CCDC88A: variants seen among roughly 807,000 people sequenced by gnomAD.
CCDC88A encodes girdin.
A neutral mutation model predicts 234.3 loss-of-function variants in CCDC88A; 54 were observed. That is an observed-to-expected ratio of 0.23 (90% CI 0.19 to 0.29). The LOEUF (loss-of-function observed/expected upper bound fraction) is 0.29. CCDC88A is among the 10% of genes least tolerant of loss of function. CCDC88A has a pLI of 1.00. For missense variants in CCDC88A, 1,832 were observed against 2,123.4 expected, an observed-to-expected ratio of 0.86 and a Z score of 2.70; for synonymous variants, 753 against 737.8, an observed-to-expected ratio of 1.02 and a Z score of -0.33.
intron 7 of CCDC88A, among the ~76,000 whole-genome samples, chr2:55,359,359 A>G (rs1056016747): frequency 7.9e-5 from 12 of 152,032 alleles, no homozygotes; most frequent in Non-Finnish European, 1.6e-4. Flanking sequence ...ATATTACAAA[A>G]TATTAAAAAG....
chr2:55,378,039 C>G (rs1237087862), intron 3 of CCDC88A, among the ~76,000 whole-genome samples: 1 of 152,178 alleles, frequency 6.6e-6, no homozygotes, highest in African/African-American at 2.4e-5. Flanking sequence ...GAAACAACAA[C>G]TTACATTCCC....
rs570882209 is a variant in CCDC88A at position 55,352,290 on chromosome 2, C to T, written c.801-2691G>A. ...ACTAAAAATACAAAAATTAGCCAGG[C>T]GTGGTGGTGCATGCCTGTAATCCCA... On this transcript the variant is annotated intron_variant, in intron 8 of 32. Transcript: ENST00000436346. 6.6e-5 allele frequency among the ~76,000 whole-genome samples: 10 copies of T among 151,926 alleles called. No homozygotes were observed. In the South Asian group the frequency reaches 8.3e-4, roughly 13 times the overall value.
chr2:55,295,392 G>A, intron 31 of CCDC88A: 1 of 1,544,870 alleles, frequency 6.5e-7, no homozygotes, highest in Non-Finnish European at 8.7e-7. Flanking sequence ...GCTATCTTTT[G>A]CCAACATTCC....
intron 5 of CCDC88A, among the ~76,000 whole-genome samples, chr2:55,371,498 A>G (rs1672841496): frequency 6.6e-6 from 1 of 152,200 alleles, no homozygotes; most frequent in Non-Finnish European, 1.5e-5. Flanking sequence ...AAATGGCTGA[A>G]ATGAAAAACA....
At chr2:55,296,607 G>A (rs529467435) in intron 29 of CCDC88A, 84 bp from the exon 30 acceptor site, 2 of 1,349,814 alleles carry the variant, frequency 1.5e-6, no homozygotes, top group African/African-American at 2.9e-5. Context: ...TTGACTGTGT[G>A]CTAATTATAT....
At chr2:55,323,311 C>T (rs1377577701) in intron 17 of CCDC88A, 1 of 152,096 alleles carries the variant, frequency 6.6e-6, no homozygotes, top group Non-Finnish European at 1.5e-5. Flanking sequence ...CTAGGAGATT[C>T]TTATAATAAA....
intron 3 of CCDC88A, among the ~76,000 whole-genome samples, chr2:55,386,081 G>A (rs1675561693): frequency 6.6e-6 from 1 of 151,664 alleles, no homozygotes; most frequent in Non-Finnish European, 1.5e-5. Context: ...AAATGAGCCG[G>A]GCGTGGTGGC....
At chr2:55,393,961 A>T (rs1045232109) in intron 2 of CCDC88A, among the ~76,000 whole-genome samples, 3 of 151,466 alleles carry the variant, frequency 2.0e-5, no homozygotes, top group African/African-American at 7.3e-5. Context: ...TTTATTTCTT[A>T]TTTTTTTTAT....
chr2:55,324,230 T>C (rs1439129432), intron 17 of CCDC88A: 1 of 152,330 alleles, frequency 6.6e-6, no homozygotes, highest in East Asian at 1.9e-4. Flanking sequence ...AAAGATAATG[T>C]CATCTTTAAA....
intron 22 of CCDC88A, 37 bp downstream of exon 22, chr2:55,315,891 A>C: frequency 8.1e-7 from 1 of 1,231,712 alleles, no homozygotes; most frequent in Non-Finnish European, 1.1e-6. Context: ...CTTGGTGCCT[A>C]AATGAAGGAC....
At position 55,288,039 on chromosome 2, in the gene CCDC88A, C is replaced by T. The variant is rs555499771; in HGVS notation, c.*3161G>A. ...AAGTAATAAACATTTTGCCATTCAA[C>T]TCTAAATCCCTTATTAGCATTAGTT... is the stretch of plus-strand genomic sequence containing the variant. On this transcript the variant is annotated 3_prime_UTR_variant, in exon 33 of 33. Transcript: ENST00000436346. 2 of 152,690 alleles carry T rather than the reference C, an allele frequency of 1.3e-5. No homozygotes were observed. Among genetic ancestry groups the T allele is most frequent in the East Asian group, 3.9e-4 (2 of 5,188 alleles). 9.5% of individuals were successfully genotyped at this position (152,690 alleles called of 1,614,324 possible).
intron 2 of CCDC88A, among the ~76,000 whole-genome samples, chr2:55,396,920 C>T (rs928836577): frequency 6.6e-6 from 1 of 150,928 alleles, no homozygotes; most frequent in African/African-American, 2.4e-5. Context: ...TTTCTAAAAC[C>T]CGAGTGTACA....
chr2:55,323,775 G>C (rs141452257), intron 17 of CCDC88A: 2 of 152,058 alleles, frequency 1.3e-5, no homozygotes, highest in African/African-American at 4.8e-5. Context: ...GCAGTGATGC[G>C]ATCTTGGCAC....
intron 21 of CCDC88A, 31 bp from the exon 22 acceptor site, chr2:55,316,145 G>A (rs1331848076): frequency 1.4e-5 from 13 of 940,940 alleles, no homozygotes; most frequent in Non-Finnish European, 2.0e-5. Flanking sequence ...AATATAATTA[G>A]ATTATCTTAA....
chr2:55,364,203 ATAAT>A lies in CCDC88A; in HGVS notation c.403-174_403-171del, dbSNP rs542969489. The A allele has an allele frequency of 2.0e-4, 91 of 452,108 alleles. No individual in the cohort carries two copies. In the East Asian group the frequency reaches 3.3e-3, roughly 16 times the overall value. 28.0% of individuals were successfully genotyped at this position (452,108 alleles called of 1,614,324 possible). On this transcript the variant is annotated intron_variant, in intron 5 of 32. Transcript: ENST00000436346. ...TTACCTAATAAACAACAATTTAGAA[ATAAT>A]TATTTTAAAAAGCAAGGCACTGAAA...
chr2:55,366,958 G>T (rs908911326), intron 5 of CCDC88A, among the ~76,000 whole-genome samples: 4 of 152,126 alleles, frequency 2.6e-5, no homozygotes, highest in African/African-American at 9.7e-5. Context: ...GTACACTCAT[G>T]TTCATAGCAA....
intron 21 of CCDC88A, among the ~76,000 whole-genome samples, chr2:55,316,419 A>C (rs550615935): frequency 3.3e-5 from 5 of 152,246 alleles, no homozygotes; most frequent in South Asian, 2.1e-4. Flanking sequence ...TTCAAGTATT[A>C]ATAAGAAAGT....
chr2:55,301,828 T>C (rs1431495327), intron 27 of CCDC88A, 44 bp downstream of exon 27: 1 of 1,524,318 alleles, frequency 6.6e-7, no homozygotes, highest in Non-Finnish European at 9.1e-7. Context: ...AAAATTCTTG[T>C]TGCCAACAAT....
At chr2:55,341,261 T>G (rs1177819523) in intron 12 of CCDC88A, among the ~76,000 whole-genome samples, 2 of 150,840 alleles carry the variant, frequency 1.3e-5, no homozygotes, top group Admixed American at 1.3e-4. Flanking sequence ...TTTTCCTGCT[T>G]CAGCTCCCAA....
Sources: allele counts gnomAD v4.1 joint callset (sites outside exome capture counted in the v4.1 genomes callset), GRCh38; gene constraint gnomAD v4.1.1; transcripts MANE v1.5; gene names NCBI Gene and HGNC (gene_info 2026-07-23, HGNC 2026-07-21).